Variants in CDC14A observed in about 807,000 individuals in gnomAD.
The protein encoded by CDC14A is dual specificity protein phosphatase CDC14A.
In CDC14A, 53 loss-of-function variants were observed where a neutral mutation model predicts 74.4. The ratio of observed to expected loss-of-function variants is 0.71; its 90% CI spans 0.57 to 0.89. CDC14A has a LOEUF of 0.89. Among genes scored for constraint, CDC14A ranks in the 40% least tolerant of loss-of-function variants. The pLI is 0.00. For synonymous variants in CDC14A, 247 were observed against 258.4 expected, an observed-to-expected ratio of 0.96 and a Z score of 0.43; for missense variants, 646 against 713.7, an observed-to-expected ratio of 0.91 and a Z score of 1.08.
At chr1:100,468,123 A>G (rs369116740) in intron 10 of CDC14A, 29 bp downstream of exon 10, 25 of 1,612,382 alleles carry the variant, frequency 1.6e-5, no homozygotes, top group Non-Finnish European at 2.0e-5. Context: ...TTACCACATT[A>G]TATCCTGTTC....
intron 10 of CDC14A, among the ~76,000 whole-genome samples, chr1:100,482,797 CAGAG>C (rs1168592565): frequency 6.6e-6 from 1 of 151,704 alleles, no homozygotes; most frequent in Non-Finnish European, 1.5e-5. Flanking sequence ...TATGTATATA[CAGAG>C]AGAGATATCG....
chr1:100,420,057 C>CATATATATATAT lies in CDC14A; in HGVS notation c.310-4164_310-4163insTATATATATATA, dbSNP rs1383225482. On this transcript the variant is annotated intron_variant, in intron 4 of 15. Coordinates refer to ENST00000336454, the MANE Select transcript of CDC14A (RefSeq NM_003672.4). ...ACACACACACACACACACACACACA[C>CATATATATATAT]ACACACATATATATATATATATATA... 6.2e-4 allele frequency among the ~76,000 whole-genome samples: 19 copies of CATATATATATAT among 30,556 alleles called. No individual in the cohort carries two copies. In the East Asian group the frequency reaches 8.7e-3, roughly 14 times the overall value. The allele number at this position is 30,556 out of a possible 152,430, so 20.0% of individuals were successfully genotyped here.
In CDC14A at chr1:100,505,497, A is replaced by ACTGG. The variant is rs1571358414; in HGVS notation, c.1755+6236_1755+6237insTGGC. Among the ~76,000 whole-genome samples the ACTGG allele has an allele frequency of 7.2e-5, 11 of 152,340 alleles. No homozygotes were observed. In the East Asian group the frequency reaches 2.1e-3, roughly 29 times the overall value. On this transcript the variant is annotated intron_variant, in intron 15 of 15. Coordinates refer to ENST00000336454, the MANE Select transcript of CDC14A (RefSeq NM_003672.4). The stretch of plus-strand genomic sequence containing the variant: ...TATTAGAATCTAGCTTTATAAAATA[A>ACTGG]CCAGTTTGATGAAAATCTGAGTGAT...
At chr1:100,447,126 A>G (rs949863609) in intron 7 of CDC14A, among the ~76,000 whole-genome samples, 2 of 152,238 alleles carry the variant, frequency 1.3e-5, no homozygotes, top group African/African-American at 4.8e-5. Flanking sequence ...GTCATAGTCC[A>G]TCAGTGTGAC....
rs1431280253 is a variant in CDC14A, at chr1:100,412,755, T to TTA, written c.310-11455_310-11454dup. Among the ~76,000 whole-genome samples the TTA allele has an allele frequency of 1.9e-3, 177 of 94,274 alleles. 9 individuals are homozygous for TTA. Among genetic ancestry groups the TTA allele is most frequent in the African/African-American group, 0.01 (157 of 15,360 alleles). The allele number at this position is 94,274 out of a possible 152,430, so 61.8% of individuals were successfully genotyped here. A position where few individuals can be genotyped will look rare whatever the true frequency, so the allele number is the denominator to read the frequency against. ...TATATATATTTTATATATATATATT[T>TTA]TATATATATATATTATATATATATA... On this transcript the variant is annotated intron_variant, in intron 4 of 15. Transcript: ENST00000336454.
At chr1:100,355,736 C>T (rs375816887) in intron 2 of CDC14A, among the ~76,000 whole-genome samples, 1 of 152,016 alleles carries the variant, frequency 6.6e-6, no homozygotes, top group African/African-American at 2.4e-5. Flanking sequence ...TTTTTGTTAC[C>T]CCAACATATT....
chr1:100,359,608 G>T (rs1185710705), intron 2 of CDC14A, among the ~76,000 whole-genome samples: 1 of 151,940 alleles, frequency 6.6e-6, no homozygotes, highest in Middle Eastern at 3.2e-3. Flanking sequence ...ACTTTTGGGG[G>T]GTATAATTTT....
At chr1:100,418,678 G>A (rs535560283) in intron 4 of CDC14A, among the ~76,000 whole-genome samples, 119 of 152,250 alleles carry the variant, frequency 7.8e-4, no homozygotes, top group Non-Finnish European at 1.0e-3. Flanking sequence ...TTGAAATAAC[G>A]TGATGATGAT....
At chr1:100,384,640 C>T (rs1042635623) in intron 3 of CDC14A, among the ~76,000 whole-genome samples, 5 of 152,190 alleles carry the variant, frequency 3.3e-5, no homozygotes, top group African/African-American at 1.2e-4. Context: ...CTTCTTCAGC[C>T]GCAGTATCCT....
At chr1:100,512,068 C>G (rs535639479) in intron 15 of CDC14A, among the ~76,000 whole-genome samples, 8 of 152,012 alleles carry the variant, frequency 5.3e-5, no homozygotes, top group African/African-American at 9.7e-5. Context: ...ACTCTGCTTT[C>G]CCTTGTTTCT....
rs371096228 is a variant in CDC14A at position 100,353,017 on chromosome 1, G to A, written c.49+14G>A. On this transcript the variant is annotated intron_variant, in intron 1 of 15. Coordinates refer to ENST00000336454, the MANE Select transcript of CDC14A (RefSeq NM_003672.4). ...AGTTCATGAAAGGTGAGGAGCAGCC[G>A]CCCCGCATCTTCCAACGCTTTCTTG... 1 of 1,613,588 alleles carries A rather than the reference G, an allele frequency of 6.2e-7. No individual in the cohort carries two copies. The highest frequency in any genetic ancestry group is 1.3e-5 in the African/African-American group (1 of 74,938).
At chr1:100,421,912 T>C (rs1054801746) in intron 4 of CDC14A, among the ~76,000 whole-genome samples, 1 of 152,236 alleles carries the variant, frequency 6.6e-6, no homozygotes, top group South Asian at 2.1e-4. Context: ...ATGTGACATA[T>C]TTTGTCCTGG....
chr1:100,412,320 C>T (rs1660821950), intron 4 of CDC14A, among the ~76,000 whole-genome samples: 1 of 151,884 alleles, frequency 6.6e-6, no homozygotes, highest in African/African-American at 2.4e-5. Flanking sequence ...TGGGGGATCT[C>T]CTGGGATTAG....
chr1:100,483,882 G>T (rs190393636), intron 10 of CDC14A, among the ~76,000 whole-genome samples: 23 of 152,188 alleles, frequency 1.5e-4, no homozygotes, highest in Non-Finnish European at 2.9e-4. Flanking sequence ...TTTAACTCAA[G>T]TTCTTTCATG....
chr1:100,354,084 C>T (rs1336951134), intron 2 of CDC14A, among the ~76,000 whole-genome samples: 1 of 152,124 alleles, frequency 6.6e-6, no homozygotes, highest in Non-Finnish European at 1.5e-5. Context: ...TTCTTCCTAC[C>T]ACCACAACAA....
chr1:100,454,990 A>T (rs552119156), intron 7 of CDC14A, among the ~76,000 whole-genome samples: 1 of 152,344 alleles, frequency 6.6e-6, no homozygotes, highest in South Asian at 2.1e-4. Context: ...AAGTGTATTC[A>T]TCAGGAGCTT....
At chr1:100,419,931 G>A (rs936951736) in intron 4 of CDC14A, among the ~76,000 whole-genome samples, 11 of 148,798 alleles carry the variant, frequency 7.4e-5, no homozygotes, top group Middle Eastern at 6.9e-3. Context: ...ATCCTCAAGA[G>A]TATTTTCACT....
chr1:100,498,033 G>C, intron 13 of CDC14A, 52 bp from the exon 14 acceptor site: 1 of 1,572,632 alleles, frequency 6.4e-7, no homozygotes, highest in Non-Finnish European at 8.6e-7. Flanking sequence ...GTTGCTGAAT[G>C]TTTAAGATAA....
chr1:100,350,970 G>T (rs1650911790), upstream of CDC14A, among the ~76,000 whole-genome samples: 1 of 152,180 alleles, frequency 6.6e-6, no homozygotes, highest in African/African-American at 2.4e-5. Context: ...AGGCAGGGCG[G>T]ATTGCTTGTG....
Sources: allele counts gnomAD v4.1 joint callset (sites outside exome capture counted in the v4.1 genomes callset), GRCh38; gene constraint gnomAD v4.1.1; transcripts MANE v1.5; gene names NCBI Gene and HGNC (gene_info 2026-07-23, HGNC 2026-07-21).